The following ADRA1A variants were observed in gnomAD, a reference collection of about 807,000 sequenced individuals.
ADRA1A encodes adrenoceptor alpha 1A.
A neutral mutation model predicts 29.6 loss-of-function variants in ADRA1A; 31 were observed. The ratio of observed to expected loss-of-function variants is 1.05; its 90% confidence interval spans 0.79 to 1.41. The LOEUF is 1.41. Ranked by LOEUF, ADRA1A falls within the 40% of genes most tolerant of loss-of-function variation. The pLI, the probability that ADRA1A is intolerant of heterozygous loss-of-function variation, is 0.00. For missense variants in ADRA1A, 619 were observed against 601.1 expected (o/e 1.03, Z -0.31); for synonymous variants, 311 against 254.3 (o/e 1.22, Z -2.12).
chr8:26,791,492 C>G (rs1054346652), intron 2 of ADRA1A, among the ~76,000 whole-genome samples: 4 of 152,138 alleles, frequency 2.6e-5, no homozygotes, highest in African/African-American at 9.7e-5. Flanking sequence ...CCACTGGGTG[C>G]TAAACTCCTA....
chr8:26,782,061 G>T (rs1331934059), intron 2 of ADRA1A, among the ~76,000 whole-genome samples: 1 of 152,228 alleles, frequency 6.6e-6, no homozygotes, highest in Non-Finnish European at 1.5e-5. Context: ...CAGAGGCATG[G>T]CCCTTGCATC....
rs535558854 is a variant in ADRA1A at position 26,815,924 on chromosome 8, G to C, written c.884-45258C>G. Among the ~76,000 whole-genome samples, 1 of 152,192 alleles carries C rather than the reference G, an allele frequency of 6.6e-6. No homozygotes were observed. The highest frequency in any genetic ancestry group is 1.5e-5 in the Non-Finnish European group (1 of 68,038). On this transcript the variant is annotated intron_variant, in intron 2 of 2. Coordinates refer to ENST00000380573, the MANE Select transcript of ADRA1A (RefSeq NM_000680.4). The surrounding 1 kb of genome is among the most constrained non-coding windows in gnomAD (Gnocchi z 4.2). ...GAGAAAAGGGAAATGAGACAGGGCA[G>C]GATGAGAAGCAAGGGAGGGGGCGTG...
chr8:26,770,014 C>G lies in ADRA1A; in HGVS notation c.*135G>C, dbSNP rs2130268709. The G allele has an allele frequency of 6.8e-7, 1 of 1,468,368 alleles. No homozygotes were observed. Among genetic ancestry groups the G allele is most frequent in the African/African-American group, 1.4e-5 (1 of 71,386 alleles). 91.0% of individuals were successfully genotyped at this position (1,468,368 alleles called of 1,614,324 possible). ...CTACCCGCTGCCTGATGAGTTGGGT[C>G]TACCACCCACCCCATTCCCAGCAGG... is the stretch of plus-strand genomic sequence containing the variant. On this transcript the variant is annotated 3_prime_UTR_variant, in exon 3 of 3. Transcript: ENST00000380573.
intron 2 of ADRA1A, chr8:26,779,262 T>G (rs1351154359): frequency 1.4e-6 from 1 of 701,034 alleles, no homozygotes; most frequent in South Asian, 1.5e-5. Flanking sequence ...CTCCCTTTTT[T>G]TTGCCTCTTA....
chr8:26,755,311 T>C (rs61759701), downstream of ADRA1A, among the ~76,000 whole-genome samples: 51 of 151,898 alleles, frequency 3.4e-4, no homozygotes, highest in Non-Finnish European at 7.1e-4. Context: ...AAGCCAAACA[T>C]GGTCACTCTG....
In ADRA1A at chr8:26,805,738, C is replaced by T. The variant is rs925821241; in HGVS notation, c.884-35072G>A. ...CAAGGCTTTCTTTTTTGTGTTGCTT[C>T]TACCTGGTACAAGAATCTTGATGAG... is the stretch of plus-strand genomic sequence containing the variant. On this transcript the variant is annotated intron_variant, in intron 2 of 2. Transcript: ENST00000380573. The surrounding 1 kb of genome is among the most constrained non-coding windows in gnomAD (Gnocchi z 4.8). Among the ~76,000 whole-genome samples, 2 of 152,164 alleles carry T rather than the reference C, an allele frequency of 1.3e-5. No individual in the cohort carries two copies. The highest frequency in any genetic ancestry group is 2.4e-5 in the African/African-American group (1 of 41,436).
At chr8:26,807,407 G>C (rs1386115608) in intron 2 of ADRA1A, among the ~76,000 whole-genome samples, 1 of 152,220 alleles carries the variant, frequency 6.6e-6, no homozygotes, top group Non-Finnish European at 1.5e-5. Flanking sequence ...GCACCACTAA[G>C]TTAGAAAGAG....
At chr8:26,748,738 C>T (rs61759694) in exon 3 of ADRA1A, 37 of 362,090 alleles carry the variant, frequency 1.0e-4, no homozygotes, top group Non-Finnish European at 1.1e-4. Context: ...GGTGACAGAG[C>T]GAGACTTCGT....
rs1256540476 is a variant in ADRA1A, at chr8:26,864,056, G to A, written c.883+31C>T. On this transcript the variant is annotated intron_variant, in intron 2 of 2. Coordinates refer to ENST00000380573, the MANE Select transcript of ADRA1A (RefSeq NM_000680.4). The surrounding 1 kb of genome is among the most constrained non-coding windows in gnomAD (Gnocchi z 8.1). ...AAGCCGAGGAGGGTGAAGACCCCCAGATGCTAAAGTGAGGGGTGTTCAAGA... is the reference window on the plus strand; with the variant it reads ...AAGCCGAGGAGGGTGAAGACCCCCAAATGCTAAAGTGAGGGGTGTTCAAGA... The A allele has an allele frequency of 3.2e-6, 5 of 1,583,956 alleles. No individual in the cohort carries two copies. In the South Asian group the frequency reaches 5.9e-5, roughly 19 times the overall value.
chr8:26,856,980 A>G lies in ADRA1A; in HGVS notation c.883+7107T>C, dbSNP rs1054093513. On this transcript the variant is annotated intron_variant, in intron 2 of 2. Coordinates refer to ENST00000380573, the MANE Select transcript of ADRA1A (RefSeq NM_000680.4). ...GTCGGTGATCTGCAAGAGGACTACA[A>G]TGATCTGCCCCTCTGTGTACACACT... Among the ~76,000 whole-genome samples the G allele has an allele frequency of 2.2e-4, 34 of 152,314 alleles. No homozygotes were observed. The East Asian group carries it at 6.4e-3, about 29-fold the overall frequency.
Position 26,865,153 on chromosome 8 carries a change from C to A in ADRA1A, c.-184G>T. ...ACAACCCTGGCCAGCCCTGGGAACC[C>A]TCAGAAGGCCACATGAAGGGGCAGG... On this transcript the variant is annotated 5_prime_UTR_variant, in exon 2 of 3. It adds an upstream start codon to the 5' untranslated region. Transcript: ENST00000380573. The surrounding 1 kb of genome is among the most constrained non-coding windows in gnomAD (Gnocchi z 7.6). 7.0e-7 allele frequency: 1 copy of A among 1,436,226 alleles called. No individual in the cohort carries two copies. The highest frequency in any genetic ancestry group is 9.1e-7 in the Non-Finnish European group (1 of 1,100,664). The allele number at this position is 1,436,226 out of a possible 1,614,324, so 89.0% of individuals were successfully genotyped here. A position where few individuals can be genotyped will look rare whatever the true frequency, so the allele number is the denominator to read the frequency against.
chr8:26,790,183 T>C (rs1381697149), intron 2 of ADRA1A, among the ~76,000 whole-genome samples: 1 of 152,152 alleles, frequency 6.6e-6, no homozygotes, highest in Non-Finnish European at 1.5e-5. Flanking sequence ...CTATTCACGA[T>C]AGCCAATATA....
downstream of ADRA1A, among the ~76,000 whole-genome samples, chr8:26,754,646 G>A (rs1030519241): frequency 2.6e-5 from 4 of 152,092 alleles, no homozygotes; most frequent in African/African-American, 9.7e-5. Flanking sequence ...AGCAAGCCAG[G>A]AAATGTCACC....
rs1813920066 is a variant in ADRA1A at position 26,866,576 on chromosome 8, G to T, written c.-687+360C>A. Among the ~76,000 whole-genome samples the T allele has an allele frequency of 1.3e-5, 2 of 152,158 alleles. No individual in the cohort carries two copies. Among genetic ancestry groups the T allele is most frequent in the South Asian group, 4.1e-4 (2 of 4,822 alleles). On this transcript the variant is annotated intron_variant, in intron 1 of 2. Coordinates refer to ENST00000380573, the MANE Select transcript of ADRA1A (RefSeq NM_000680.4). The surrounding 1 kb of genome is among the most constrained non-coding windows in gnomAD (Gnocchi z 5.7). ...CAGGGACTCGGCAGGACAGCGCGGC[G>T]TGAGGAAGTGCCCACCTTGCCTTCT... is the stretch of plus-strand genomic sequence containing the variant.
chr8:26,748,681 A>T (rs184509584), exon 3 of ADRA1A: 4,458 of 371,024 alleles, frequency 0.012, 190 homozygotes, highest in African/African-American at 0.093. Context: ...TGAACCCGGG[A>T]GGCGGAGGTT....
intron 2 of ADRA1A, among the ~76,000 whole-genome samples, chr8:26,801,773 C>A (rs908413127): frequency 3.9e-5 from 6 of 152,054 alleles, no homozygotes; most frequent in East Asian, 1.9e-4. Context: ...CCACAAAAAA[C>A]CAGAATAGCC....
intron 2 of ADRA1A, among the ~76,000 whole-genome samples, chr8:26,822,455 C>A (rs927477929): frequency 1.3e-5 from 2 of 152,184 alleles, no homozygotes; most frequent in Non-Finnish European, 2.9e-5. Flanking sequence ...TTTTAAGTCA[C>A]TTAAATTAAA....
chr8:26,847,590 A>C (rs1812308813), intron 2 of ADRA1A, among the ~76,000 whole-genome samples: 1 of 152,258 alleles, frequency 6.6e-6, no homozygotes, highest in Non-Finnish European at 1.5e-5. Context: ...ATGCCCTGGC[A>C]ATAAGCTAAA....
chr8:26,773,828 C>T (rs899213576), intron 2 of ADRA1A, among the ~76,000 whole-genome samples: 3 of 152,140 alleles, frequency 2.0e-5, no homozygotes, highest in Non-Finnish European at 4.4e-5. Context: ...GTATGGCTGA[C>T]CCAGAGCCAA....
Sources: allele counts gnomAD v4.1 joint callset (sites outside exome capture counted in the v4.1 genomes callset), GRCh38; gene constraint gnomAD v4.1.1; non-coding constraint Gnocchi (gnomAD v3.1); transcripts MANE v1.5; gene names NCBI Gene and HGNC (gene_info 2026-07-23, HGNC 2026-07-21).